Variants in WWOX observed in about 807,000 individuals in gnomAD.
The protein encoded by WWOX is WW domain containing oxidoreductase.
A neutral mutation model predicts 46.2 loss-of-function variants in WWOX; 69 were observed. That is an observed-to-expected ratio of 1.49 (90% CI 1.23 to 1.82). The LOEUF is 1.82. WWOX is among the 40% of genes most tolerant of loss of function. The pLI, the probability that WWOX is intolerant of heterozygous loss-of-function variation, is 0.00. For synonymous variants in WWOX, 359 were observed against 202.6 expected, an observed-to-expected ratio of 1.77 and a Z score of -6.56; for missense variants, 919 against 542.6, an observed-to-expected ratio of 1.69 and a Z score of -6.89.
intron 8 of WWOX, among the ~76,000 whole-genome samples, chr16:78,957,413 G>C (rs947798321): frequency 1.3e-5 from 2 of 152,202 alleles, no homozygotes; most frequent in Non-Finnish European, 2.9e-5. Context: ...ACCCACAAAT[G>C]TGAATGCTTC....
At chr16:78,771,643 G>A (rs1158417982) in intron 8 of WWOX, among the ~76,000 whole-genome samples, 1 of 152,054 alleles carries the variant, frequency 6.6e-6, no homozygotes, top group Non-Finnish European at 1.5e-5. Flanking sequence ...ATTGTGGTGG[G>A]TGTCTGTAAT....
At chr16:78,398,979 G>A (rs1037053768) in intron 6 of WWOX, among the ~76,000 whole-genome samples, 1 of 151,980 alleles carries the variant, frequency 6.6e-6, no homozygotes, top group Non-Finnish European at 1.5e-5. Flanking sequence ...ATAGAAGGAT[G>A]GAAGAGGTAA....
At chr16:78,850,060 G>A (rs1172244171) in intron 8 of WWOX, among the ~76,000 whole-genome samples, 2 of 151,114 alleles carry the variant, frequency 1.3e-5, no homozygotes, top group African/African-American at 2.5e-5. Flanking sequence ...CAACAAGAGC[G>A]AAATTCCTTC....
intron 8 of WWOX, among the ~76,000 whole-genome samples, chr16:78,668,352 ACTC>A (rs2047381114): frequency 6.6e-6 from 1 of 151,926 alleles, no homozygotes; most frequent in African/African-American, 2.4e-5. Context: ...GTTCGACTTG[ACTC>A]CTCTTGGGAA....
At chr16:78,577,334 G>C (rs2044909945) in intron 8 of WWOX, among the ~76,000 whole-genome samples, 1 of 152,158 alleles carries the variant, frequency 6.6e-6, no homozygotes, top group African/African-American at 2.4e-5. Flanking sequence ...TTAAAACCTT[G>C]TTCAGATTTT....
intron 8 of WWOX, among the ~76,000 whole-genome samples, chr16:78,854,880 T>A (rs2052531360): frequency 6.7e-6 from 1 of 150,018 alleles, no homozygotes; most frequent in Non-Finnish European, 1.5e-5. Context: ...CCGCGCCAGC[T>A]CTATTTGCTG....
chr16:79,025,419 C>T (rs1400772308), intron 8 of WWOX, among the ~76,000 whole-genome samples: 1 of 151,996 alleles, frequency 6.6e-6, no homozygotes, highest in East Asian at 1.9e-4. Flanking sequence ...TTGGGTGGAC[C>T]CTAAATCCAA....
At chr16:78,680,459 C>G (rs945250652) in intron 8 of WWOX, among the ~76,000 whole-genome samples, 1 of 151,764 alleles carries the variant, frequency 6.6e-6, no homozygotes. Flanking sequence ...GCTTGAGCCC[C>G]GGGAGGTAGA....
At chr16:78,387,929 C>T (rs577996304) in intron 6 of WWOX, among the ~76,000 whole-genome samples, 48 of 152,072 alleles carry the variant, frequency 3.2e-4, no homozygotes, top group African/African-American at 1.2e-3. Context: ...GGGTTAGGCT[C>T]TGTTGGGAAC....
intron 8 of WWOX, among the ~76,000 whole-genome samples, chr16:78,546,958 C>T (rs530851022): frequency 6.6e-6 from 1 of 151,660 alleles, no homozygotes; most frequent in South Asian, 2.1e-4. Flanking sequence ...GAAACCCTAC[C>T]TCTACAAAAA....
intron 8 of WWOX, among the ~76,000 whole-genome samples, chr16:78,816,222 G>C (rs1457235714): frequency 2.0e-5 from 3 of 152,148 alleles, no homozygotes; most frequent in Non-Finnish European, 4.4e-5. Flanking sequence ...TTGGGACGCT[G>C]GATAGGACCA....
intron 8 of WWOX, among the ~76,000 whole-genome samples, chr16:78,615,252 A>G (rs908750671): frequency 6.6e-6 from 1 of 152,088 alleles, no homozygotes; most frequent in African/African-American, 2.4e-5. Context: ...CTAATGGGAG[A>G]TCCTAAGTTT....
intron 8 of WWOX, chr16:78,891,263 C>A (rs1034208175): frequency 3.3e-5 from 5 of 152,080 alleles, no homozygotes; most frequent in African/African-American, 1.2e-4. Context: ...GATTGTTGAT[C>A]TGTAAATCTC....
chr16:78,660,900 C>A (rs1256934046), intron 8 of WWOX, among the ~76,000 whole-genome samples: 1 of 152,066 alleles, frequency 6.6e-6, no homozygotes, highest in Non-Finnish European at 1.5e-5. Flanking sequence ...TATTTGGTAC[C>A]AGCACATGTA....
chr16:79,036,135 A>G lies in WWOX; in HGVS notation c.1057-175473A>G, dbSNP rs140918040. 3.9e-3 allele frequency among the ~76,000 whole-genome samples: 601 copies of G among 152,248 alleles called. 1 individual carries two copies. The highest frequency in any genetic ancestry group is 6.1e-3 in the Non-Finnish European group (417 of 68,022). ...CTGGGCTATCTTTCACTCTCTATGA[A>G]ATACCTTGGATTTAGGAATTGGAGA... On this transcript the variant is annotated intron_variant, in intron 8 of 8. Coordinates refer to ENST00000566780, the MANE Select transcript of WWOX (RefSeq NM_016373.4).
chr16:78,422,764 T>C (rs529112090), intron 6 of WWOX, among the ~76,000 whole-genome samples: 5 of 123,362 alleles, frequency 4.1e-5, no homozygotes, highest in African/African-American at 2.1e-4. Context: ...TATACACATA[T>C]ATATACACAC....
At chr16:79,009,694 A>G (rs1175448298) in intron 8 of WWOX, among the ~76,000 whole-genome samples, 1 of 152,054 alleles carries the variant, frequency 6.6e-6, no homozygotes, top group African/African-American at 2.4e-5. Context: ...CAGGTGATCC[A>G]CCCACCTCAG....
intron 8 of WWOX, among the ~76,000 whole-genome samples, chr16:78,842,424 G>C (rs535099377): frequency 5.9e-5 from 9 of 152,010 alleles, no homozygotes; most frequent in Non-Finnish European, 1.2e-4. Flanking sequence ...AATTGCTTGA[G>C]GCTGGATGTG....
At chr16:78,537,259 C>G (rs903158686) in intron 8 of WWOX, among the ~76,000 whole-genome samples, 1 of 152,120 alleles carries the variant, frequency 6.6e-6, no homozygotes, top group African/African-American at 2.4e-5. Flanking sequence ...GCCTGCCTCC[C>G]TGTCTCCCTG....
Sources: gnomAD v4.1 joint callset for allele counts (sites outside exome capture counted in the v4.1 genomes callset) on GRCh38, gnomAD v4.1.1 for gene constraint, MANE v1.5 for transcripts, NCBI Gene and HGNC (gene_info 2026-07-23, HGNC 2026-07-21) for gene names.